The following PCCA variants were observed in gnomAD, a reference collection of about 807,000 sequenced individuals.
PCCA encodes the protein propionyl-CoA carboxylase subunit alpha, also known as propionyl-CoA carboxylase alpha chain, mitochondrial.
A neutral mutation model predicts 101.3 loss-of-function variants in PCCA; 74 were observed. The observed-to-expected ratio is 0.73, with a 90% CI of 0.61 to 0.89. The LOEUF (loss-of-function observed/expected upper bound fraction) is 0.89. Among genes scored for constraint, PCCA ranks in the 40% least tolerant of loss-of-function variants. PCCA has a pLI of 0.00. For synonymous variants in PCCA, 294 were observed against 313.6 expected (o/e 0.94, Z 0.66); for missense variants, 891 against 907.0 (o/e 0.98, Z 0.23).
At chr13:100,188,665 A>G (rs2057506790) in intron 6 of PCCA, among the ~76,000 whole-genome samples, 1 of 152,228 alleles carries the variant, frequency 6.6e-6, no homozygotes, top group Non-Finnish European at 1.5e-5. Context: ...ACTAGCTTAC[A>G]TTCCCAATAG....
intron 20 of PCCA, among the ~76,000 whole-genome samples, chr13:100,427,997 A>G (rs1284625222): frequency 1.3e-5 from 2 of 152,198 alleles, no homozygotes; most frequent in African/African-American, 4.8e-5. Flanking sequence ...AAATGAGACA[A>G]CTGAGGCTCA....
chr13:100,248,763 T>C (rs2061592129), intron 8 of PCCA, among the ~76,000 whole-genome samples: 1 of 152,190 alleles, frequency 6.6e-6, no homozygotes, highest in African/African-American at 2.4e-5. Flanking sequence ...TCTTTTTTTT[T>C]GAGATGGAGT....
chr13:100,247,223 T>G (rs1405177992), intron 8 of PCCA, among the ~76,000 whole-genome samples: 9 of 147,578 alleles, frequency 6.1e-5, no homozygotes, highest in Non-Finnish European at 9.0e-5. Flanking sequence ...GGGTTTTTTT[T>G]TTTTTTTTTT....
At chr13:100,377,884 A>G (rs2076017171) in intron 19 of PCCA, among the ~76,000 whole-genome samples, 1 of 147,944 alleles carries the variant, frequency 6.8e-6, no homozygotes, top group African/African-American at 2.7e-5. Flanking sequence ...CATATCATTA[A>G]TTGCTTTCTG....
intron 16 of PCCA, among the ~76,000 whole-genome samples, chr13:100,318,884 G>T (rs950777370): frequency 2.0e-5 from 3 of 152,092 alleles, no homozygotes; most frequent in African/African-American, 7.2e-5. Flanking sequence ...GGTATTTCTA[G>T]TTCTAGATCC....
chr13:100,316,078 C>T lies in PCCA; in HGVS notation c.1429+6170C>T, dbSNP rs573616277. Among the ~76,000 whole-genome samples the T allele has an allele frequency of 2.6e-5, 4 of 152,050 alleles. No individual in the cohort carries two copies. The East Asian group carries it at 7.7e-4, about 29-fold the overall frequency. ...TATAAAATACTTTTCTGATTATTAC[C>T]CTCTTTTGGCTTTAGGATTAATTAA... On this transcript the variant is annotated intron_variant, in intron 16 of 23. Coordinates refer to ENST00000376285, the MANE Select transcript of PCCA (RefSeq NM_000282.4).
intron 6 of PCCA, among the ~76,000 whole-genome samples, chr13:100,179,761 G>T (rs1029024107): frequency 7.3e-5 from 11 of 151,106 alleles, no homozygotes; most frequent in African/African-American, 1.9e-4. Context: ...GTGTGTGTAC[G>T]TGTGTGTGTG....
At chr13:100,089,760 A>G (rs1272372484) in intron 1 of PCCA, among the ~76,000 whole-genome samples, 1 of 152,172 alleles carries the variant, frequency 6.6e-6, no homozygotes, top group Non-Finnish European at 1.5e-5. Flanking sequence ...AGCCTGTTTT[A>G]ATTGTATGAC....
intron 19 of PCCA, among the ~76,000 whole-genome samples, chr13:100,401,386 G>T (rs1327569530): frequency 6.6e-6 from 1 of 152,018 alleles, no homozygotes; most frequent in East Asian, 1.9e-4. Context: ...TGGGACTACA[G>T]GCGTGCACCA....
At position 100,506,091 on chromosome 13, in the gene PCCA, C is replaced by T. The variant is rs763955085; in HGVS notation, c.1900-9336C>T. On this transcript the variant is annotated intron_variant, in intron 21 of 23. Coordinates refer to ENST00000376285, the MANE Select transcript of PCCA (RefSeq NM_000282.4). ...GTAACTTGGTCAGAAGGTGCCATCT[C>T]GTTGGGATGTCACAGTCGGGCCTGT... is the stretch of plus-strand genomic sequence containing the variant. Among the ~76,000 whole-genome samples the T allele has an allele frequency of 9.9e-5, 15 of 152,248 alleles. No homozygotes were observed. In the South Asian group the frequency reaches 1.5e-3, roughly 15 times the overall value.
rs975954739 is a variant in PCCA, at chr13:100,152,668, G to A, written c.301-2311G>A. Among the ~76,000 whole-genome samples the A allele has an allele frequency of 2.8e-4, 43 of 152,050 alleles. 1 individual carries two copies. Among genetic ancestry groups the A allele is most frequent in the Admixed American group, 2.4e-3 (37 of 15,272 alleles). On this transcript the variant is annotated intron_variant, in intron 4 of 23. Transcript: ENST00000376285. Reference sequence around the variant, plus strand: ...TCACCATGTTAGCCAGGATGGTCTCGGTCTCCTGACCTCGTGATCCGCCCA... The same window carrying A: ...TCACCATGTTAGCCAGGATGGTCTCAGTCTCCTGACCTCGTGATCCGCCCA...
At chr13:100,377,243 C>T (rs183594505) in intron 19 of PCCA, among the ~76,000 whole-genome samples, 1 of 152,232 alleles carries the variant, frequency 6.6e-6, no homozygotes, top group East Asian at 1.9e-4. Flanking sequence ...CAGACCGGAG[C>T]TGTTCCTGTT....
chr13:100,223,276 C>T lies in PCCA; in HGVS notation c.601-12566C>T, dbSNP rs368790585. Among the ~76,000 whole-genome samples the T allele has an allele frequency of 3.7e-4, 56 of 152,104 alleles. No homozygotes were observed. In the South Asian group the frequency reaches 0.011, roughly 29 times the overall value. Reference sequence around the variant, plus strand: ...GTCTCACTGACTTCAAGAATGAAGCCGCGGACCCTCGCGGTGAGTGTTACA... The same window carrying T: ...GTCTCACTGACTTCAAGAATGAAGCTGCGGACCCTCGCGGTGAGTGTTACA... On this transcript the variant is annotated intron_variant, in intron 7 of 23. Coordinates refer to ENST00000376285, the MANE Select transcript of PCCA (RefSeq NM_000282.4).
At chr13:100,213,295 T>G (rs1363000901) in intron 7 of PCCA, among the ~76,000 whole-genome samples, 5 of 152,184 alleles carry the variant, frequency 3.3e-5, no homozygotes, top group Non-Finnish European at 1.5e-5. Context: ...CTATTTTTAG[T>G]GTTTTGAGGA....
Position 100,107,586 on chromosome 13 carries a change from T to C in PCCA, c.184-4255T>C, listed in dbSNP as rs1482924508. On this transcript the variant is annotated intron_variant, in intron 2 of 23. Coordinates refer to ENST00000376285, the MANE Select transcript of PCCA (RefSeq NM_000282.4). ...ATAGTGTTTAGAGCTTGCATTGTTATACTCTGATTACATTATATCATGATA... is the reference window on the plus strand; with the variant it reads ...ATAGTGTTTAGAGCTTGCATTGTTACACTCTGATTACATTATATCATGATA... Among the ~76,000 whole-genome samples the C allele has an allele frequency of 3.3e-5, 5 of 152,212 alleles. No individual in the cohort carries two copies. The East Asian group carries it at 7.7e-4, about 23-fold the overall frequency.
At chr13:100,296,894 G>GA (rs548570066) in intron 12 of PCCA, among the ~76,000 whole-genome samples, 9 of 151,366 alleles carry the variant, frequency 5.9e-5, no homozygotes, top group Admixed American at 2.6e-4. Flanking sequence ...TGTGGTAAAA[G>GA]AAAAAAAAAT....
At chr13:100,424,310 C>T (rs968478467) in intron 19 of PCCA, among the ~76,000 whole-genome samples, 8 of 151,942 alleles carry the variant, frequency 5.3e-5, no homozygotes, top group East Asian at 1.9e-4. Context: ...CAGGGCGGGG[C>T]GGGGGTGGTG....
intron 20 of PCCA, among the ~76,000 whole-genome samples, chr13:100,434,804 TG>T (rs2079810748): frequency 6.6e-6 from 1 of 152,250 alleles, no homozygotes; most frequent in Non-Finnish European, 1.5e-5. Flanking sequence ...AGAATTCGCA[TG>T]AATAAGTGAT....
At chr13:100,109,688 C>T (rs538524351) in intron 2 of PCCA, among the ~76,000 whole-genome samples, 6 of 152,098 alleles carry the variant, frequency 3.9e-5, no homozygotes, top group Non-Finnish European at 7.3e-5. Flanking sequence ...TGAGTGGCTT[C>T]GAGTTTTATC....
Sources: gnomAD v4.1 joint callset for allele counts (sites outside exome capture counted in the v4.1 genomes callset) on GRCh38, gnomAD v4.1.1 for gene constraint, MANE v1.5 for transcripts, NCBI Gene and HGNC (gene_info 2026-07-23, HGNC 2026-07-21) for gene names.